GRM7: variants seen among roughly 807,000 people sequenced by gnomAD.
GRM7 encodes the protein glutamate metabotropic receptor 7.
A neutral mutation model predicts 84.5 loss-of-function variants in GRM7; 35 were observed. The observed-to-expected ratio is 0.41, with a 90% CI of 0.32 to 0.55. The LOEUF (loss-of-function observed/expected upper bound fraction) is 0.55, where lower values mean the gene tolerates loss of function less well. Among genes scored for constraint, GRM7 ranks in the 20% least tolerant of loss-of-function variants. The pLI, the probability that GRM7 is intolerant of heterozygous loss-of-function variation, is 0.19. For missense variants in GRM7, 1,003 were observed against 1,194.6 expected (o/e 0.84, Z 2.36); for synonymous variants, 487 against 455.1 (o/e 1.07, Z -0.89).
At chr3:7,444,751 C>T (rs1697434448) in intron 5 of GRM7, among the ~76,000 whole-genome samples, 2 of 152,142 alleles carry the variant, frequency 1.3e-5, no homozygotes, top group East Asian at 1.9e-4. Context: ...TCTTTCCTTG[C>T]ACTTACCTGA....
At chr3:7,231,148 C>G (rs140698818) in intron 2 of GRM7, among the ~76,000 whole-genome samples, 1 of 152,106 alleles carries the variant, frequency 6.6e-6, no homozygotes, top group Non-Finnish European at 1.5e-5. Context: ...AGGTGTCACC[C>G]GTCTTGGAAG....
chr3:6,891,392 A>C (rs558012724), intron 1 of GRM7, among the ~76,000 whole-genome samples: 128 of 152,230 alleles, frequency 8.4e-4, no homozygotes, highest in African/African-American at 3.0e-3. Flanking sequence ...TTCCGCGTTT[A>C]GTGCTTCCTT....
At chr3:7,496,164 A>G (rs1024552174) in intron 7 of GRM7, among the ~76,000 whole-genome samples, 1 of 152,140 alleles carries the variant, frequency 6.6e-6, no homozygotes, top group Non-Finnish European at 1.5e-5. Flanking sequence ...CTTGTACTCA[A>G]AAGTCAGCAG....
chr3:7,187,062 A>G (rs1695543074), intron 2 of GRM7, among the ~76,000 whole-genome samples: 1 of 152,132 alleles, frequency 6.6e-6, no homozygotes, highest in South Asian at 2.1e-4. Context: ...CAGTGTGAAT[A>G]GCCACTACAC....
intron 2 of GRM7, among the ~76,000 whole-genome samples, chr3:7,247,235 G>A (rs924032253): frequency 2.0e-5 from 3 of 152,032 alleles, no homozygotes; most frequent in African/African-American, 7.2e-5. Flanking sequence ...GACTTTGGGT[G>A]AGCAAAAATT....
At chr3:7,292,553 C>T (rs1357161724) in intron 2 of GRM7, among the ~76,000 whole-genome samples, 2 of 152,004 alleles carry the variant, frequency 1.3e-5, no homozygotes, top group African/African-American at 4.8e-5. Flanking sequence ...ATAAGCAGTA[C>T]TTAGAATAGC....
Position 7,432,692 on chromosome 3 carries a change from A to G in GRM7, c.1174+17529A>G, listed in dbSNP as rs1441557137. On this transcript the variant is annotated intron_variant, in intron 5 of 9. Transcript: ENST00000357716. ...AATAAAACCATGCATGAAATAGATG[A>G]ATAAATGTGGAATCCTACCAATGTG... Among the ~76,000 whole-genome samples the G allele has an allele frequency of 5.3e-5, 8 of 152,216 alleles. No homozygotes were observed. In the East Asian group the frequency reaches 1.5e-3, roughly 29 times the overall value.
chr3:7,537,823 T>C (rs966844637), intron 7 of GRM7, among the ~76,000 whole-genome samples: 1 of 152,188 alleles, frequency 6.6e-6, no homozygotes, highest in East Asian at 1.9e-4. Flanking sequence ...AGAAAGTCTA[T>C]CGCTTTTGAC....
At chr3:7,324,033 G>A (rs1486576325) in intron 4 of GRM7, among the ~76,000 whole-genome samples, 1 of 152,058 alleles carries the variant, frequency 6.6e-6, no homozygotes, top group Non-Finnish European at 1.5e-5. Flanking sequence ...TTCCCTCAAA[G>A]GTGTAATATA....
At chr3:6,916,825 A>G (rs1325064631) in intron 1 of GRM7, among the ~76,000 whole-genome samples, 2 of 152,120 alleles carry the variant, frequency 1.3e-5, no homozygotes, top group Non-Finnish European at 2.9e-5. Context: ...AGAACCTACT[A>G]TGTGTCTATA....
intron 2 of GRM7, among the ~76,000 whole-genome samples, chr3:7,265,396 GATA>G (rs1400970197): frequency 6.6e-6 from 1 of 152,060 alleles, no homozygotes; most frequent in East Asian, 1.9e-4. Context: ...CTCTAAGTTG[GATA>G]ATATTATTAT....
At chr3:7,667,854 T>C (rs1699763554) in intron 8 of GRM7, among the ~76,000 whole-genome samples, 1 of 128,884 alleles carries the variant, frequency 7.8e-6, no homozygotes, top group Admixed American at 8.3e-5. Flanking sequence ...GTCAGCAGAT[T>C]TATGTCAAAA....
chr3:7,589,328 C>T (rs1695669643), intron 8 of GRM7, among the ~76,000 whole-genome samples: 1 of 152,204 alleles, frequency 6.6e-6, no homozygotes, highest in Admixed American at 6.5e-5. Context: ...CTGCCATAAA[C>T]TGAGGTTCAA....
intron 1 of GRM7, among the ~76,000 whole-genome samples, chr3:7,073,465 C>A (rs1304805176): frequency 6.6e-6 from 1 of 152,062 alleles, no homozygotes; most frequent in East Asian, 1.9e-4. Flanking sequence ...TACAAACAAG[C>A]AGATGGTCTG....
chr3:7,699,706 C>G (rs1289384040), intron 9 of GRM7, among the ~76,000 whole-genome samples: 1 of 151,980 alleles, frequency 6.6e-6, no homozygotes, highest in Admixed American at 6.6e-5. Flanking sequence ...TTTCTTAGCC[C>G]TCTTTATAAG....
At chr3:7,351,032 T>A (rs17047199) in intron 4 of GRM7, among the ~76,000 whole-genome samples, 21,253 of 151,972 alleles carry the variant, frequency 0.14, 1,946 homozygotes, top group African/African-American at 0.26. Flanking sequence ...TTTGTCGAGG[T>A]TGCTAAAACC....
chr3:6,864,754 A>ACTT (rs961551353), intron 1 of GRM7, among the ~76,000 whole-genome samples: 25 of 152,220 alleles, frequency 1.6e-4, no homozygotes, highest in Admixed American at 2.6e-4. Context: ...GGTGCTGAGC[A>ACTT]CTGAAGGGAA....
At chr3:7,335,177 C>T (rs1334373305) in intron 4 of GRM7, among the ~76,000 whole-genome samples, 1 of 152,070 alleles carries the variant, frequency 6.6e-6, no homozygotes, top group East Asian at 1.9e-4. Flanking sequence ...AAACAAGTCT[C>T]AATAAGTTTA....
chr3:7,076,861 C>T (rs907297802), intron 1 of GRM7, among the ~76,000 whole-genome samples: 5 of 152,054 alleles, frequency 3.3e-5, no homozygotes, highest in African/African-American at 1.2e-4. Flanking sequence ...CCAGAATCTA[C>T]AAGGAACTTA....
Sources: gnomAD v4.1 joint callset for allele counts (sites outside exome capture counted in the v4.1 genomes callset) on GRCh38, gnomAD v4.1.1 for gene constraint, MANE v1.5 for transcripts, NCBI Gene and HGNC (gene_info 2026-07-23, HGNC 2026-07-21) for gene names.